Variants in PUS7 observed in about 807,000 individuals in gnomAD.
PUS7 encodes pseudouridylate synthase 7 homolog.
PUS7 carries 48 observed loss-of-function variants against 79.8 expected under a neutral mutation model. The ratio of observed to expected loss-of-function variants is 0.60; its 90% CI spans 0.48 to 0.76. PUS7 has a LOEUF of 0.76. PUS7 is among the 30% of genes least tolerant of loss of function. The pLI, the probability that PUS7 is intolerant of heterozygous loss-of-function variation, is 0.00. For synonymous variants in PUS7, 286 were observed against 272.2 expected (o/e 1.05, Z -0.50); for missense variants, 729 against 797.6 (o/e 0.91, Z 1.04).
chr7:105,488,884 C>T (rs1261219958), intron 7 of PUS7, among the ~76,000 whole-genome samples: 1 of 152,116 alleles, frequency 6.6e-6, no homozygotes, highest in Non-Finnish European at 1.5e-5. Context: ...CCCAGTGGCT[C>T]ACGCCTGTAA....
chr7:105,461,944 G>A (rs1252351026), intron 14 of PUS7, among the ~76,000 whole-genome samples: 4 of 152,118 alleles, frequency 2.6e-5, no homozygotes, highest in Non-Finnish European at 2.9e-5. Context: ...TTGGGAGGCC[G>A]AGGTGGGAGG....
At chr7:105,496,206 T>C (rs1180360112) in intron 5 of PUS7, among the ~76,000 whole-genome samples, 22 of 52,066 alleles carry the variant, frequency 4.2e-4, no homozygotes, top group African/African-American at 1.2e-3. Flanking sequence ...CATATATATA[T>C]ATATATATAT....
Position 105,468,431 on chromosome 7 carries a change from A to G in PUS7, c.1431T>C (p.His477=). ...IPRNNRLMYI[H]SYQSYVWNNM... is the part of the protein sequence containing the mutation. ...TATTCCACACATAGCTTTGGTAGCT[A>G]TGAATATACATTAAGCGATTATTTC... The change falls in exon 12 of 16, where the codon CAT becomes CAC. Residue 477 remains histidine, a synonymous_variant. Coordinates refer to ENST00000469408, the MANE Select transcript of PUS7 (RefSeq NM_019042.5). 6.2e-7 allele frequency: 1 copy of G among 1,611,086 alleles called. No homozygotes were observed. The highest frequency in any genetic ancestry group is 8.5e-7 in the Non-Finnish European group (1 of 1,177,838).
At chr7:105,488,224 C>A (rs1052641611) in intron 7 of PUS7, among the ~76,000 whole-genome samples, 2 of 152,166 alleles carry the variant, frequency 1.3e-5, no homozygotes, top group Non-Finnish European at 2.9e-5. Flanking sequence ...TTCAACTATT[C>A]TAAGACTTCA....
intron 12 of PUS7, among the ~76,000 whole-genome samples, chr7:105,467,204 A>G (rs1370799328): frequency 2.0e-5 from 3 of 152,060 alleles, no homozygotes; most frequent in African/African-American, 4.8e-5. Context: ...AATGGGCTCC[A>G]TGGAAGATGG....
chr7:105,459,094 T>C, intron 15 of PUS7, 74 bp downstream of exon 15: 1 of 969,212 alleles, frequency 1.0e-6, no homozygotes, highest in South Asian at 1.9e-5. Flanking sequence ...AGAGCAGTTT[T>C]CAAAAAAAAA....
At chr7:105,459,115 G>C (rs868069349) in intron 15 of PUS7, 53 bp downstream of exon 15, 2 of 1,188,436 alleles carry the variant, frequency 1.7e-6, no homozygotes, top group Non-Finnish European at 2.4e-6. Flanking sequence ...TTATGTTTTT[G>C]TTTAACAAAA....
intron 7 of PUS7, among the ~76,000 whole-genome samples, chr7:105,484,753 G>A (rs1824476321): frequency 6.6e-6 from 1 of 150,760 alleles, no homozygotes; most frequent in Non-Finnish European, 1.5e-5. Context: ...GGGAGGCAGA[G>A]GTTGCAGTGA....
chr7:105,503,550 C>T (rs1398360298), intron 4 of PUS7, among the ~76,000 whole-genome samples: 1 of 152,082 alleles, frequency 6.6e-6, no homozygotes, highest in East Asian at 1.9e-4. Context: ...TGTGTATATA[C>T]CTCATTTTAA....
chr7:105,508,114 C>T lies in PUS7; in HGVS notation c.398+1G>A, dbSNP rs1264890888. ...TAACTTTATTCATAAACTAAATGTA[C>T]CTTTCTTTTAAGATTCCCGAGAACC... On this transcript the variant is annotated splice_donor_variant, in intron 2 of 15. Coordinates refer to ENST00000469408, the MANE Select transcript of PUS7 (RefSeq NM_019042.5). LOFTEE classifies it high-confidence loss of function. 1 of 1,607,538 alleles carries T rather than the reference C, an allele frequency of 6.2e-7. No homozygotes were observed. The highest frequency in any genetic ancestry group is 1.3e-5 in the African/African-American group (1 of 74,548).
rs749237189 is a variant in PUS7, at chr7:105,456,874, G to A, written c.*916C>T. 1.3e-5 allele frequency: 2 copies of A among 151,872 alleles called. No individual in the cohort carries two copies. The highest frequency in any genetic ancestry group is 4.8e-5 in the African/African-American group (2 of 41,336). 9.4% of individuals were successfully genotyped at this position (151,872 alleles called of 1,614,324 possible). On this transcript the variant is annotated 3_prime_UTR_variant, in exon 16 of 16. Transcript: ENST00000469408. Reference sequence around the variant, plus strand: ...CTTAACTAATAAAACAGCTGTACACGTTTACATCAAGAAAAAAAAACCCGG... The same window carrying A: ...CTTAACTAATAAAACAGCTGTACACATTTACATCAAGAAAAAAAAACCCGG...
intron 1 of PUS7, among the ~76,000 whole-genome samples, chr7:105,509,345 C>T (rs1391903501): frequency 4.6e-5 from 7 of 152,030 alleles, no homozygotes; most frequent in Non-Finnish European, 7.4e-5. Flanking sequence ...ATAATACTTC[C>T]GCACATCATC....
chr7:105,476,123 CAAAAAAAAAAAAA>C (rs958626613), intron 9 of PUS7, among the ~76,000 whole-genome samples: 6 of 39,174 alleles, frequency 1.5e-4, no homozygotes, highest in Non-Finnish European at 3.9e-4. Context: ...GACTCCGTCT[CAAAAAAAAAAAAA>C]AAAAAAAAAA....
chr7:105,501,067 C>T (rs535357693), intron 5 of PUS7, among the ~76,000 whole-genome samples: 1 of 152,330 alleles, frequency 6.6e-6, no homozygotes, highest in African/African-American at 2.4e-5. Flanking sequence ...TCCAGACTTG[C>T]TGCCTTGACT....
In PUS7 at chr7:105,514,553, G is replaced by A. The variant is rs532620802; in HGVS notation, c.-32-6009C>T. Among the ~76,000 whole-genome samples, 4 of 151,656 alleles carry A rather than the reference G, an allele frequency of 2.6e-5. No homozygotes were observed. The East Asian group carries it at 6.0e-4, about 23-fold the overall frequency. ...CGGGAGGCCGAGCTTGCAGTGAGCCGAGATCGCGCCACTGTACTCCAGCCT... is the reference window on the plus strand; with the variant it reads ...CGGGAGGCCGAGCTTGCAGTGAGCCAAGATCGCGCCACTGTACTCCAGCCT... On this transcript the variant is annotated intron_variant, in intron 1 of 15. Transcript: ENST00000469408.
At chr7:105,513,448 T>A (rs767307890) in intron 1 of PUS7, among the ~76,000 whole-genome samples, 1 of 152,240 alleles carries the variant, frequency 6.6e-6, no homozygotes, top group African/African-American at 2.4e-5. Flanking sequence ...TCTGTTTCTT[T>A]CTCTGTAAAA....
At chr7:105,521,785 G>A (rs1167414329) in intron 1 of PUS7, among the ~76,000 whole-genome samples, 2 of 150,834 alleles carry the variant, frequency 1.3e-5, no homozygotes, top group Non-Finnish European at 3.0e-5. Context: ...CGGCGCCTCC[G>A]GACGACTGGC....
intron 1 of PUS7, among the ~76,000 whole-genome samples, chr7:105,514,995 T>C (rs1440835236): frequency 6.6e-6 from 1 of 152,102 alleles, no homozygotes; most frequent in African/African-American, 2.4e-5. Flanking sequence ...TGGGTTACAC[T>C]GTGTCAGCCA....
At chr7:105,471,013 A>G (rs75312721) in intron 10 of PUS7, among the ~76,000 whole-genome samples, 165 bp from the exon 11 acceptor site, 3,968 of 152,320 alleles carry the variant, frequency 0.026, 187 homozygotes, top group African/African-American at 0.09. Context: ...GGAAATGTAG[A>G]AAGTTTACAG....
Sources: gnomAD v4.1 joint callset for allele counts (sites outside exome capture counted in the v4.1 genomes callset) on GRCh38, gnomAD v4.1.1 for gene constraint, MANE v1.5 for transcripts, NCBI Gene and HGNC (gene_info 2026-07-23, HGNC 2026-07-21) for gene names.